The following TMEM232 variants were observed in gnomAD, a reference collection of about 807,000 sequenced individuals.
The protein encoded by TMEM232 is transmembrane protein 232.
TMEM232 carries 80 observed loss-of-function variants against 78.8 expected under a neutral mutation model. The observed-to-expected ratio is 1.01, with a 90% CI of 0.85 to 1.22. The LOEUF is 1.22. TMEM232 is among the 50% of genes most tolerant of loss of function. The pLI is 0.00. For synonymous variants in TMEM232, 297 were observed against 254.3 expected, an observed-to-expected ratio of 1.17 and a Z score of -1.60; for missense variants, 881 against 742.2, an observed-to-expected ratio of 1.19 and a Z score of -2.17.
chr5:110,490,616 G>A (rs1764979483), intron 12 of TMEM232, among the ~76,000 whole-genome samples: 1 of 152,052 alleles, frequency 6.6e-6, no homozygotes, highest in Non-Finnish European at 1.5e-5. Flanking sequence ...TTCAAACTGT[G>A]GGACTGACAT....
At chr5:110,587,681 ATATATATATATGTGTGTGTGTGTGTG>A (rs1238526711) in intron 10 of TMEM232, among the ~76,000 whole-genome samples, 83 of 105,614 alleles carry the variant, frequency 7.9e-4, no homozygotes, top group East Asian at 7.6e-3. Context: ...ATATATATAT[ATATATATATATGTGTGTGTGTGTGTG>A]TGTGTGTGTG....
intron 1 of TMEM232, among the ~76,000 whole-genome samples, chr5:110,668,353 G>C (rs997969608): frequency 2.6e-5 from 4 of 152,102 alleles, no homozygotes; most frequent in Non-Finnish European, 5.9e-5. Context: ...CTAATCTGAG[G>C]TTGCCCTCTA....
intron 12 of TMEM232, among the ~76,000 whole-genome samples, chr5:110,445,867 G>A (rs374696315): frequency 6.6e-6 from 1 of 152,140 alleles, no homozygotes; most frequent in African/African-American, 2.4e-5. Context: ...GAGTGAATGA[G>A]AAAGTTAAAG....
chr5:110,412,678 C>T (rs1756043259), intron 2 of TMEM232, among the ~76,000 whole-genome samples: 1 of 151,932 alleles, frequency 6.6e-6, no homozygotes, highest in Non-Finnish European at 1.5e-5. Context: ...TTTCAGACCC[C>T]TGACTTGGTT....
At chr5:110,504,090 T>C (rs1173328421) in intron 12 of TMEM232, among the ~76,000 whole-genome samples, 1 of 152,236 alleles carries the variant, frequency 6.6e-6, no homozygotes, top group Non-Finnish European at 1.5e-5. Flanking sequence ...TGTACAGCTA[T>C]AAATGAACAT....
In TMEM232 at chr5:110,666,409, C is replaced by T. The variant is rs541064286; in HGVS notation, c.125+819G>A. ...TGGTCATTCTATTATAAAGCATTTG[C>T]TATTTTCAATTTTTAAATGCAATTA... On this transcript the variant is annotated intron_variant, in intron 2 of 13. Coordinates refer to ENST00000455884, the MANE Select transcript of TMEM232 (RefSeq NM_001039763.4). Among the ~76,000 whole-genome samples the T allele has an allele frequency of 2.0e-4, 30 of 152,092 alleles. No individual in the cohort carries two copies. In the South Asian group the frequency reaches 5.8e-3, roughly 29 times the overall value.
intron 2 of TMEM232, among the ~76,000 whole-genome samples, chr5:110,399,054 T>A (rs1755495364): frequency 6.6e-6 from 1 of 152,024 alleles, no homozygotes; most frequent in African/African-American, 2.4e-5. Context: ...TATGTACTTT[T>A]AATTAATCCC....
At chr5:110,728,463 G>A (rs868729131), upstream of TMEM232, among the ~76,000 whole-genome samples, 1 of 151,676 alleles carries the variant, frequency 6.6e-6, no homozygotes, top group African/African-American at 2.4e-5. Context: ...AAATCTCAGA[G>A]GAATGAAGCT....
intron 1 of TMEM232, among the ~76,000 whole-genome samples, chr5:110,737,710 T>A (rs1253311273): frequency 6.6e-6 from 1 of 152,218 alleles, no homozygotes; most frequent in African/African-American, 2.4e-5. Flanking sequence ...CTTTATTCAT[T>A]GGTATGAACT....
At chr5:110,432,841 A>C (rs1758008947) in intron 12 of TMEM232, among the ~76,000 whole-genome samples, 2 of 151,854 alleles carry the variant, frequency 1.3e-5, no homozygotes, top group East Asian at 3.9e-4. Flanking sequence ...TACTATTCTT[A>C]AATCAGATAA....
At chr5:110,546,721 CA>C (rs1424271269) in intron 11 of TMEM232, among the ~76,000 whole-genome samples, 19 of 152,192 alleles carry the variant, frequency 1.2e-4, no homozygotes, top group African/African-American at 4.3e-4. Context: ...CCCTAATTCA[CA>C]TGGAGTAGTG....
At chr5:110,472,751 G>C (rs313604) in intron 12 of TMEM232, among the ~76,000 whole-genome samples, 1,922 of 152,010 alleles carry the variant, frequency 0.013, 21 homozygotes, top group African/African-American at 0.023. Flanking sequence ...ACAGTATAGA[G>C]AGCCCAGAAA....
upstream of TMEM232, chr5:110,726,910 C>T (rs534093592): frequency 1.2e-4 from 18 of 152,330 alleles, no homozygotes; most frequent in East Asian, 3.3e-3. Context: ...GAAGCCACGG[C>T]AAGAAGCGGC....
At position 110,424,932 on chromosome 5, in the gene TMEM232, A is replaced by C. The variant is rs1757076870; in HGVS notation, c.1704-16T>G. On this transcript the variant is annotated splice_polypyrimidine_tract_variant and intron_variant, in intron 12 of 13. Transcript: ENST00000455884. ...AGGATGTTCCCTTCAAAAGAGCACA[A>C]GAACAAATCCAACATTAGGTATAGG... 5 of 1,529,934 alleles carry C rather than the reference A, an allele frequency of 3.3e-6. No individual in the cohort carries two copies. The Middle Eastern group carries it at 5.1e-4, about 155-fold the overall frequency. The allele number at this position is 1,529,934 out of a possible 1,614,324, so 94.8% of individuals were successfully genotyped here.
chr5:110,526,218 C>T (rs1024210988), intron 12 of TMEM232, among the ~76,000 whole-genome samples: 2 of 150,330 alleles, frequency 1.3e-5, no homozygotes, highest in Non-Finnish European at 3.0e-5. Flanking sequence ...TTAATAAATA[C>T]ATTCTATTAC....
At chr5:110,563,917 T>C (rs544071761) in intron 11 of TMEM232, among the ~76,000 whole-genome samples, 2 of 152,010 alleles carry the variant, frequency 1.3e-5, no homozygotes, top group African/African-American at 4.8e-5. Flanking sequence ...CTGGAGAAAA[T>C]GATGAACTTC....
chr5:110,421,419 ATATATAT>A (rs1756629635), intron 13 of TMEM232, among the ~76,000 whole-genome samples: 2 of 150,284 alleles, frequency 1.3e-5, no homozygotes, highest in African/African-American at 4.9e-5. Context: ...CATGAAAAAT[ATATATAT>A]ATATATAATT....
In TMEM232 at chr5:110,425,851, A is replaced by C. The variant is rs1049425445; in HGVS notation, c.1704-935T>G. On this transcript the variant is annotated intron_variant, in intron 12 of 13. Transcript: ENST00000455884. Reference sequence around the variant, plus strand: ...GTAGCCAGAATTGTTTTCAAAATACAAAGTAGATCATGTCAATCTCCTACA... The same window carrying C: ...GTAGCCAGAATTGTTTTCAAAATACCAAGTAGATCATGTCAATCTCCTACA... 3.3e-5 allele frequency among the ~76,000 whole-genome samples: 5 copies of C among 152,096 alleles called. No individual in the cohort carries two copies. In the South Asian group the frequency reaches 6.2e-4, roughly 19 times the overall value.
At chr5:110,632,325 C>T (rs1006169829) in intron 5 of TMEM232, among the ~76,000 whole-genome samples, 14 of 150,590 alleles carry the variant, frequency 9.3e-5, no homozygotes, top group Admixed American at 2.6e-4. Flanking sequence ...CAGTTATCAA[C>T]GTAAGGAAAC....
Sources: allele counts gnomAD v4.1 joint callset (sites outside exome capture counted in the v4.1 genomes callset), GRCh38; gene constraint gnomAD v4.1.1; transcripts MANE v1.5; gene names NCBI Gene and HGNC (gene_info 2026-07-23, HGNC 2026-07-21).